The following SKI variants were observed in gnomAD, a reference collection of about 807,000 sequenced individuals.
SKI encodes the protein SKI proto-oncogene.
SKI carries 23 observed loss-of-function variants against 59.3 expected under a neutral mutation model. That is an observed-to-expected ratio of 0.39 (90% confidence interval 0.28 to 0.55). SKI has a LOEUF of 0.55. Among genes scored for constraint, SKI ranks in the 20% least tolerant of loss-of-function variants. The pLI is 0.67. For synonymous variants in SKI, 673 were observed against 488.6 expected (o/e 1.38, Z -4.98); for missense variants, 1,017 against 1,038.9 (o/e 0.98, Z 0.29).
chr1:2,292,322 G>A (rs889745487), intron 1 of SKI, among the ~76,000 whole-genome samples: 1 of 152,218 alleles, frequency 6.6e-6, no homozygotes, highest in Non-Finnish European at 1.5e-5. Context: ...GTGGGGCTTT[G>A]CCTGTAGAAG....
intron 1 of SKI, among the ~76,000 whole-genome samples, chr1:2,302,753 C>T (rs1489764377): frequency 2.6e-5 from 4 of 152,176 alleles, no homozygotes; most frequent in African/African-American, 7.2e-5. Flanking sequence ...GATGACTTGT[C>T]CCTCAGCACA....
intron 1 of SKI, among the ~76,000 whole-genome samples, chr1:2,266,435 C>T (rs1016371057): frequency 4.6e-5 from 7 of 152,164 alleles, no homozygotes; most frequent in Non-Finnish European, 2.9e-5. Flanking sequence ...CCATCTCAAC[C>T]CAGTTTCTGC....
rs951193890 is a variant in SKI, at chr1:2,269,621, C to T, written c.970-33357C>T. Among the ~76,000 whole-genome samples the T allele has an allele frequency of 2.0e-5, 3 of 152,256 alleles. No individual in the cohort carries two copies. Among genetic ancestry groups the T allele is most frequent in the Non-Finnish European group, 4.4e-5 (3 of 68,044 alleles). On this transcript the variant is annotated intron_variant, in intron 1 of 6. Transcript: ENST00000378536. This position sits in a 1 kb window ranked among gnomAD's most constrained non-coding sequence, Gnocchi z 4.7. ...TGTGGGCAGAAGCCAACTTTGGAAT[C>T]GCCTCATGGCTGGCCCTGGACCTCT...
chr1:2,297,947 T>C (rs1338770471), intron 1 of SKI, among the ~76,000 whole-genome samples: 2 of 152,208 alleles, frequency 1.3e-5, no homozygotes. Context: ...CAGGGTGGGC[T>C]GTGCTGTGTG....
chr1:2,233,467 A>AG (rs901865073), intron 1 of SKI, among the ~76,000 whole-genome samples: 25 of 152,066 alleles, frequency 1.6e-4, no homozygotes, highest in African/African-American at 5.8e-4. Context: ...CTGAATTCCC[A>AG]GGGGTCTTGC....
chr1:2,265,066 C>A (rs1639472386), intron 1 of SKI, among the ~76,000 whole-genome samples: 1 of 151,914 alleles, frequency 6.6e-6, no homozygotes, highest in Admixed American at 6.5e-5. Context: ...CCTGCCTTGG[C>A]CTGCCAAAGT....
At chr1:2,230,581 T>C (rs1283590591) in intron 1 of SKI, among the ~76,000 whole-genome samples, 1 of 152,202 alleles carries the variant, frequency 6.6e-6, no homozygotes, top group Admixed American at 6.5e-5. Context: ...GGGAGGCTGC[T>C]GGCCTGGCTT....
intron 1 of SKI, among the ~76,000 whole-genome samples, chr1:2,236,440 T>C (rs890191835): frequency 6.6e-6 from 1 of 152,072 alleles, no homozygotes; most frequent in African/African-American, 2.4e-5. Context: ...GGAGTCTTGC[T>C]CTGTTGCCCA....
Position 2,303,855 on chromosome 1 carries a change from G to A in SKI, c.1227G>A (p.Lys409=), listed in dbSNP as rs781736509. 5 of 1,612,406 alleles carry A rather than the reference G, an allele frequency of 3.1e-6. No homozygotes were observed. Among genetic ancestry groups the A allele is most frequent in the African/African-American group, 1.3e-5 (1 of 74,894 alleles). Residue 409 remains lysine (K), a synonymous_variant, in exon 4 of 7, where the codon AAG becomes AAA. Transcript: ENST00000378536. This position sits in a 1 kb window ranked among gnomAD's most constrained non-coding sequence, Gnocchi z 5.6. The part of the protein sequence containing the change: ...ALIRDSFYSY[K]SFETAVAPNV... ...GCCCCTCCAGCTTCTACTCCTACAAGAGCTTTGAGACAGCCGTGGCGCCCA... is the reference window on the plus strand; with the variant it reads ...GCCCCTCCAGCTTCTACTCCTACAAAAGCTTTGAGACAGCCGTGGCGCCCA...
Position 2,307,249 on chromosome 1 carries a change from C to G in SKI, c.*484C>G, listed in dbSNP as rs1557855788. On this transcript the variant is annotated 3_prime_UTR_variant, in exon 7 of 7. Coordinates refer to ENST00000378536, the MANE Select transcript of SKI (RefSeq NM_003036.4). ...TCTGCCCGCGGCTGCGTGAGGACAG[C>G]AGGGGTTTTTCTTCAGAGTCTATTT... 1.3e-5 allele frequency: 2 copies of G among 152,146 alleles called. No homozygotes were observed. The highest frequency in any genetic ancestry group is 6.6e-5 in the Admixed American group (1 of 15,256). The allele number at this position is 152,146 out of a possible 1,614,324, so 9.4% of individuals were successfully genotyped here.
intron 1 of SKI, among the ~76,000 whole-genome samples, chr1:2,263,635 T>C (rs1166113936): frequency 6.6e-6 from 1 of 152,034 alleles, no homozygotes; most frequent in African/African-American, 2.4e-5. Flanking sequence ...AACAGAGTAA[T>C]GTTCTTGTAG....
chr1:2,283,349 AG>A (rs145591357), intron 1 of SKI, among the ~76,000 whole-genome samples: 4 of 149,830 alleles, frequency 2.7e-5, no homozygotes, highest in Non-Finnish European at 5.9e-5. Context: ...TCAGAGCCTC[AG>A]GGGGGGGAGG....
At chr1:2,277,076 C>G (rs1203675339) in intron 1 of SKI, among the ~76,000 whole-genome samples, 1 of 152,166 alleles carries the variant, frequency 6.6e-6, no homozygotes, top group African/African-American at 2.4e-5. Context: ...AGGAAGGGGT[C>G]TTTCCTCTCT....
intron 1 of SKI, among the ~76,000 whole-genome samples, chr1:2,294,894 T>A (rs903918): frequency 0.88 from 133,867 of 152,260 alleles, 59,085 homozygotes; most frequent in African/African-American, 0.95. Flanking sequence ...TGTGCCTGGG[T>A]TGGAGGCCAC....
chr1:2,243,801 T>C (rs1179152769), intron 1 of SKI, among the ~76,000 whole-genome samples: 3 of 152,162 alleles, frequency 2.0e-5, no homozygotes, highest in Admixed American at 6.5e-5. Context: ...TATTTACTGA[T>C]ACACGCACAC....
chr1:2,244,765 T>C (rs1250206848), intron 1 of SKI, among the ~76,000 whole-genome samples: 2 of 152,214 alleles, frequency 1.3e-5, no homozygotes, highest in Admixed American at 6.5e-5. Context: ...ATAAACATAA[T>C]GTTGACCATT....
chr1:2,306,044 A>C lies in SKI; in HGVS notation c.1792A>C (p.Lys598Gln). The change falls in exon 6 of 7, where the codon AAG becomes CAG. Residue 598 changes from lysine (K) to glutamine (Q), a missense_variant. Physicochemically the swap from Lys to Gln is moderately conservative, Grantham distance 53 (BLOSUM62 1). Transcript: ENST00000378536. ...HQELEFLRVA[K>Q]KEKLREATEA... ...GGAGCTGGAGTTCCTACGCGTGGCCAAGAAGGAGAAGCTGCGGGAGGCCAC... is the reference window on the plus strand; with the variant it reads ...GGAGCTGGAGTTCCTACGCGTGGCCCAGAAGGAGAAGCTGCGGGAGGCCAC... 7 of 1,594,174 alleles carry C rather than the reference A, an allele frequency of 4.4e-6. No individual in the cohort carries two copies. The highest frequency in any genetic ancestry group is 6.0e-6 in the Non-Finnish European group (7 of 1,172,216).
chr1:2,258,138 C>T (rs1216461849), intron 1 of SKI, among the ~76,000 whole-genome samples: 2 of 152,160 alleles, frequency 1.3e-5, no homozygotes, highest in African/African-American at 4.8e-5. Context: ...TGATTATTTG[C>T]GACTTTAACC....
intron 1 of SKI, among the ~76,000 whole-genome samples, chr1:2,286,808 CCT>C (rs1640048836): frequency 1.3e-5 from 2 of 152,224 alleles, no homozygotes; most frequent in South Asian, 4.1e-4. Context: ...AACGCGACCT[CCT>C]CCACTGGACG....
Sources: gnomAD v4.1 joint callset for allele counts (sites outside exome capture counted in the v4.1 genomes callset) on GRCh38, gnomAD v4.1.1 for gene constraint, Gnocchi (gnomAD v3.1) non-coding constraint, MANE v1.5 for transcripts, NCBI Gene and HGNC (gene_info 2026-07-23, HGNC 2026-07-21) for gene names.